The following NLGN1 variants were observed in gnomAD, a reference collection of about 807,000 sequenced individuals.
NLGN1 encodes neuroligin 1.
In NLGN1, 12 loss-of-function variants were observed where a neutral mutation model predicts 65.5. The observed-to-expected ratio is 0.18, with a 90% CI of 0.12 to 0.30. NLGN1 has a LOEUF of 0.30. Among genes scored for constraint, NLGN1 ranks in the 10% least tolerant of loss-of-function variants. The pLI is 1.00. For missense variants in NLGN1, 750 were observed against 1,007.1 expected (o/e 0.74, Z 3.46); for synonymous variants, 350 against 359.5 (o/e 0.97, Z 0.30).
At chr3:174,025,994 T>C (rs1332005677) in intron 4 of NLGN1, among the ~76,000 whole-genome samples, 5 of 152,190 alleles carry the variant, frequency 3.3e-5, no homozygotes, top group Admixed American at 1.3e-4. Context: ...TCAGATATAG[T>C]TATTTAGTCC....
intron 2 of NLGN1, among the ~76,000 whole-genome samples, chr3:173,559,187 GT>G (rs1742235205): frequency 6.6e-6 from 1 of 152,158 alleles, no homozygotes; most frequent in Non-Finnish European, 1.5e-5. Context: ...GGAATACACT[GT>G]GATTTCTCTC....
Position 173,916,193 on chromosome 3 carries a change from TATG to T in NLGN1, c.646+108364_646+108366del, listed in dbSNP as rs1277640575. On this transcript the variant is annotated intron_variant, in intron 4 of 6. Coordinates refer to ENST00000457714, the Ensembl canonical transcript of NLGN1. ...AGCACATAGTAAAAGTTAGTATGAT[TATG>T]ATATCTTACGATGATCATCAAATAA... Among the ~76,000 whole-genome samples the T allele has an allele frequency of 3.9e-5, 6 of 152,308 alleles. No homozygotes were observed. The South Asian group carries it at 1.2e-3, about 32-fold the overall frequency.
chr3:173,681,120 G>A (rs1763889674), intron 3 of NLGN1, among the ~76,000 whole-genome samples: 1 of 152,130 alleles, frequency 6.6e-6, no homozygotes, highest in African/African-American at 2.4e-5. Flanking sequence ...ACTTTGTATA[G>A]ATTGAGTCTA....
At chr3:173,520,630 A>G (rs939768532) in intron 2 of NLGN1, among the ~76,000 whole-genome samples, 3 of 152,214 alleles carry the variant, frequency 2.0e-5, no homozygotes, top group Non-Finnish European at 1.5e-5. Flanking sequence ...AGGGGCCAGC[A>G]TAACCTAGAA....
At chr3:174,032,920 T>A (rs1314909648) in intron 4 of NLGN1, among the ~76,000 whole-genome samples, 1 of 152,052 alleles carries the variant, frequency 6.6e-6, no homozygotes, top group Non-Finnish European at 1.5e-5. Context: ...AGATTTGGAA[T>A]GCTGCAGCCA....
At chr3:173,673,644 A>G (rs1762743678) in intron 3 of NLGN1, among the ~76,000 whole-genome samples, 1 of 152,180 alleles carries the variant, frequency 6.6e-6, no homozygotes. Context: ...AAACTGGGGC[A>G]TAGAGAAGAT....
Position 173,944,837 on chromosome 3 carries a change from T to C in NLGN1, c.646+137005T>C, listed in dbSNP as rs188246151. Among the ~76,000 whole-genome samples, 3 of 152,298 alleles carry C rather than the reference T, an allele frequency of 2.0e-5. No homozygotes were observed. The East Asian group carries it at 5.8e-4, about 30-fold the overall frequency. ...GGTCATGCCAAATTCACATGGGGTG[T>C]ACAGAGTTGGTATTCAGTAATCATG... On this transcript the variant is annotated intron_variant, in intron 4 of 6. Transcript: ENST00000457714.
At chr3:173,838,370 C>T (rs1200794694) in intron 4 of NLGN1, among the ~76,000 whole-genome samples, 1 of 151,750 alleles carries the variant, frequency 6.6e-6, no homozygotes, top group African/African-American at 2.4e-5. Flanking sequence ...TTTGTTTGAC[C>T]AGCTTCAGGT....
intron 4 of NLGN1, among the ~76,000 whole-genome samples, chr3:174,227,717 G>A (rs1452004011): frequency 1.3e-5 from 2 of 151,976 alleles, no homozygotes; most frequent in Non-Finnish European, 2.9e-5. Flanking sequence ...TGGCAAATGT[G>A]TCACCTAGAT....
chr3:174,200,362 A>G (rs1734208776), intron 4 of NLGN1, among the ~76,000 whole-genome samples: 1 of 152,204 alleles, frequency 6.6e-6, no homozygotes, highest in Admixed American at 6.5e-5. Flanking sequence ...TATAACCTCA[A>G]TATTAAAACC....
intron 4 of NLGN1, among the ~76,000 whole-genome samples, chr3:174,212,099 G>T (rs1286627378): frequency 6.6e-6 from 1 of 152,206 alleles, no homozygotes; most frequent in Non-Finnish European, 1.5e-5. Context: ...GCGGGCTGCA[G>T]GTCCCTAGCC....
At position 174,279,771 on chromosome 3, in the gene NLGN1, C is replaced by A; in HGVS notation, c.1649+121C>A. Reference sequence around the variant, plus strand: ...ATTAATACCTGCAAGATATTACATTCCTTTATTCAAAATTAATTCTATATT... The same window carrying A: ...ATTAATACCTGCAAGATATTACATTACTTTATTCAAAATTAATTCTATATT... On this transcript the variant is annotated intron_variant, in intron 6 of 6. Transcript: ENST00000457714. The surrounding 1 kb of genome is among the most constrained non-coding windows in gnomAD (Gnocchi z 4.7). 1.6e-6 allele frequency: 1 copy of A among 610,830 alleles called. No individual in the cohort carries two copies. Among genetic ancestry groups the A allele is most frequent in the Non-Finnish European group, 2.8e-6 (1 of 352,704 alleles). The allele number at this position is 610,830 out of a possible 1,614,324, so 37.8% of individuals were successfully genotyped here.
At chr3:173,685,766 C>A (rs1764595083) in intron 3 of NLGN1, 1 of 985,286 alleles carries the variant, frequency 1.0e-6, no homozygotes, top group Non-Finnish European at 1.2e-6. Context: ...TGTGCTGGGG[C>A]TTTTTGTATG....
intron 2 of NLGN1, among the ~76,000 whole-genome samples, chr3:173,556,235 A>T (rs1390146690): frequency 6.6e-6 from 1 of 152,072 alleles, no homozygotes; most frequent in East Asian, 1.9e-4. Context: ...TCTTTACTTA[A>T]AAGAAACTTT....
In NLGN1 at chr3:173,400,449, A is replaced by G. The variant is rs191040247; in HGVS notation, c.-390+1962A>G. ...TGAATTCACTCTTTAGTCCATTCAC[A>G]AGACTCTTAATTACTATTTTCCCCA... On this transcript the variant is annotated intron_variant, in intron 1 of 6. Transcript: ENST00000457714. 2.0e-5 allele frequency among the ~76,000 whole-genome samples: 3 copies of G among 152,240 alleles called. No individual in the cohort carries two copies. The East Asian group carries it at 5.8e-4, about 29-fold the overall frequency.
At chr3:173,923,565 C>G (rs775171907) in intron 4 of NLGN1, among the ~76,000 whole-genome samples, 125 of 152,118 alleles carry the variant, frequency 8.2e-4, no homozygotes, top group Admixed American at 2.4e-3. Context: ...AAACATCTTC[C>G]AAGACAAAGA....
chr3:173,467,704 C>T (rs545782092), intron 2 of NLGN1, among the ~76,000 whole-genome samples: 12 of 152,218 alleles, frequency 7.9e-5, no homozygotes, highest in Non-Finnish European at 8.8e-5. Context: ...CTCCATGACA[C>T]ATAGTCACTA....
At chr3:173,438,969 T>C (rs1718647614) in intron 2 of NLGN1, among the ~76,000 whole-genome samples, 1 of 152,170 alleles carries the variant, frequency 6.6e-6, no homozygotes, top group Admixed American at 6.5e-5. Context: ...TTCAATTCAG[T>C]AGAGACACAA....
At chr3:174,150,901 A>G (rs543851577) in intron 4 of NLGN1, among the ~76,000 whole-genome samples, 23 of 152,214 alleles carry the variant, frequency 1.5e-4, no homozygotes, top group Admixed American at 3.9e-4. Flanking sequence ...ATTGTAGTAC[A>G]ATAATTACAT....
Sources: allele counts gnomAD v4.1 joint callset (sites outside exome capture counted in the v4.1 genomes callset), GRCh38; gene constraint gnomAD v4.1.1; non-coding constraint Gnocchi (gnomAD v3.1); transcripts MANE v1.5; gene names NCBI Gene and HGNC (gene_info 2026-07-23, HGNC 2026-07-21).